The following CLASP1 variants were observed in gnomAD, a reference collection of about 807,000 sequenced individuals.
CLASP1 encodes the protein cytoplasmic linker associated protein 1.
Under a neutral mutation model 192.3 loss-of-function variants are expected in CLASP1, and 38 were observed. The ratio of observed to expected loss-of-function variants is 0.20; its 90% confidence interval spans 0.15 to 0.26. The LOEUF (loss-of-function observed/expected upper bound fraction) is 0.26. Among genes scored for constraint, CLASP1 ranks in the 10% least tolerant of loss-of-function variants. CLASP1 has a pLI of 1.00. For missense variants in CLASP1, 1,433 were observed against 1,932.5 expected (o/e 0.74, Z 4.85); for synonymous variants, 691 against 712.8 (o/e 0.97, Z 0.49).
chr2:121,382,722 TAGAA>T (rs1300114622), intron 32 of CLASP1, among the ~76,000 whole-genome samples: 2 of 152,162 alleles, frequency 1.3e-5, no homozygotes, highest in Non-Finnish European at 2.9e-5. Context: ...TCAGTTATTT[TAGAA>T]AGAACCAAAG....
chr2:121,609,147 A>G (rs1248906476), intron 1 of CLASP1, among the ~76,000 whole-genome samples: 1 of 152,206 alleles, frequency 6.6e-6, no homozygotes, highest in Non-Finnish European at 1.5e-5. Context: ...TCCTGTTTAG[A>G]CAGGAAGCAA....
At chr2:121,372,054 T>C (rs1185733737) in intron 34 of CLASP1, among the ~76,000 whole-genome samples, 2 of 152,250 alleles carry the variant, frequency 1.3e-5, no homozygotes, top group African/African-American at 4.8e-5. Context: ...AAGAAAAACA[T>C]GGAAATCCAG....
At chr2:121,409,885 C>T (rs979937182) in intron 24 of CLASP1, among the ~76,000 whole-genome samples, 5 of 152,124 alleles carry the variant, frequency 3.3e-5, no homozygotes, top group Admixed American at 6.6e-5. Context: ...AGGCAGCTTG[C>T]CTACAGGAAA....
At chr2:121,512,272 C>A (rs919302564) in intron 7 of CLASP1, among the ~76,000 whole-genome samples, 7 of 152,204 alleles carry the variant, frequency 4.6e-5, no homozygotes, top group African/African-American at 1.7e-4. Flanking sequence ...GTGATACTGA[C>A]TAAAAATATT....
chr2:121,463,570 T>G (rs565834910), intron 9 of CLASP1, among the ~76,000 whole-genome samples: 47 of 152,160 alleles, frequency 3.1e-4, no homozygotes, highest in Non-Finnish European at 6.2e-4. Flanking sequence ...AGGCCCTGAA[T>G]GCCTCCTTTG....
At chr2:121,399,590 C>G (rs913503398) in intron 28 of CLASP1, among the ~76,000 whole-genome samples, 1 of 152,148 alleles carries the variant, frequency 6.6e-6, no homozygotes, top group African/African-American at 2.4e-5. Flanking sequence ...TATTAGCAGT[C>G]GCTGACTATT....
chr2:121,638,122 C>G (rs79735950), intron 1 of CLASP1, among the ~76,000 whole-genome samples: 1 of 151,976 alleles, frequency 6.6e-6, no homozygotes, highest in African/African-American at 2.4e-5. Context: ...AACAAAAAGG[C>G]AAACAATCCA....
intron 8 of CLASP1, among the ~76,000 whole-genome samples, chr2:121,493,466 C>T (rs570751603): frequency 1.3e-5 from 2 of 152,264 alleles, no homozygotes; most frequent in African/African-American, 4.8e-5. Flanking sequence ...TAAAACTGGA[C>T]CCCCATATCT....
intron 2 of CLASP1, among the ~76,000 whole-genome samples, chr2:121,589,123 AC>A (rs1183082909): frequency 6.6e-6 from 1 of 152,204 alleles, no homozygotes. Context: ...AGTTCTCGCC[AC>A]CAAGTCCCCA....
At chr2:121,348,386 A>T in intron 38 of CLASP1, 126 bp downstream of exon 39, 2 of 801,056 alleles carry the variant, frequency 2.5e-6, no homozygotes, top group Non-Finnish European at 3.9e-6. Flanking sequence ...ACACGGCCTC[A>T]CAGGTCCTGC....
At chr2:121,424,097 A>C (rs1030891502) in intron 22 of CLASP1, among the ~76,000 whole-genome samples, 1 of 152,132 alleles carries the variant, frequency 6.6e-6, no homozygotes, top group Admixed American at 6.5e-5. Context: ...ATGAAAACAG[A>C]ATCTACTCTG....
chr2:121,542,034 G>A (rs1183825832), intron 2 of CLASP1, among the ~76,000 whole-genome samples: 1 of 152,018 alleles, frequency 6.6e-6, no homozygotes, highest in Non-Finnish European at 1.5e-5. Context: ...TATCCTGCAA[G>A]ACATCCAGGC....
chr2:121,506,317 C>G (rs2093949385), intron 7 of CLASP1, among the ~76,000 whole-genome samples: 1 of 152,144 alleles, frequency 6.6e-6, no homozygotes, highest in Admixed American at 6.5e-5. Context: ...TCTGGCACAT[C>G]CCTGCAAGCC....
At chr2:121,420,414 T>C (rs991104229) in intron 22 of CLASP1, among the ~76,000 whole-genome samples, 1 of 152,206 alleles carries the variant, frequency 6.6e-6, no homozygotes, top group Non-Finnish European at 1.5e-5. Context: ...TTTCCTAGAA[T>C]GTACACAGCA....
chr2:121,340,843 A>G (rs2062694983), exon 40 of CLASP1: 2 of 1,600,852 alleles, frequency 1.2e-6, no homozygotes, highest in South Asian at 2.2e-5. Context: ...AGGTCTACAC[A>G]AGAGACAGGT....
At chr2:121,529,878 A>G (rs1404015982) in intron 3 of CLASP1, among the ~76,000 whole-genome samples, 2 of 152,232 alleles carry the variant, frequency 1.3e-5, no homozygotes, top group African/African-American at 4.8e-5. Flanking sequence ...CTAAAGAGTG[A>G]CAGCTAATTT....
chr2:121,346,393 T>C (rs1222768549), intron 39 of CLASP1, among the ~76,000 whole-genome samples: 1 of 152,274 alleles, frequency 6.6e-6, no homozygotes, highest in Non-Finnish European at 1.5e-5. Flanking sequence ...GTTGTTGTTT[T>C]AATTAAAACC....
At chr2:121,581,486 G>A (rs2061160038) in intron 2 of CLASP1, among the ~76,000 whole-genome samples, 1 of 151,732 alleles carries the variant, frequency 6.6e-6, no homozygotes, top group Non-Finnish European at 1.5e-5. Context: ...TTGTTAGCCA[G>A]GATGGTCTCG....
At chr2:121,474,290 G>A (rs2091279303) in intron 8 of CLASP1, among the ~76,000 whole-genome samples, 1 of 152,068 alleles carries the variant, frequency 6.6e-6, no homozygotes, top group Non-Finnish European at 1.5e-5. Flanking sequence ...AAATGGAAGT[G>A]GTTCCATTTC....
Sources: gnomAD v4.1 joint callset for allele counts (sites outside exome capture counted in the v4.1 genomes callset) on GRCh38, gnomAD v4.1.1 for gene constraint, MANE v1.5 for transcripts, NCBI Gene and HGNC (gene_info 2026-07-23, HGNC 2026-07-21) for gene names.